DMD: variants seen among roughly 807,000 people sequenced by gnomAD.
The protein encoded by DMD is mutant dystrophin.
Under a neutral mutation model 330.1 loss-of-function variants are expected in DMD, and 63 were observed. The ratio of observed to expected loss-of-function variants is 0.19; its 90% CI spans 0.16 to 0.24. The LOEUF is 0.24. DMD is among the 10% of genes least tolerant of loss of function. The probability of loss-of-function intolerance (pLI) is 1.00; values close to 1 mark genes in which losing one functional copy is unlikely to be tolerated. For missense variants in DMD, 3,344 were observed against 2,684.1 expected (o/e 1.25, Z -5.43); for synonymous variants, 1,223 against 959.8 (o/e 1.27, Z -5.07).
At chrX:32,158,697 A>G (rs2096838806) in intron 44 of DMD, among the ~76,000 whole-genome samples, 1 of 111,789 alleles carries the variant, frequency 8.9e-6, no homozygotes, top group Admixed American at 9.5e-5. Flanking sequence ...CAGGACATAG[A>G]TATTTTAAAG....
intron 55 of DMD, among the ~76,000 whole-genome samples, chrX:31,528,984 T>C (rs894186050): frequency 9.0e-6 from 1 of 110,653 alleles, no homozygotes; most frequent in Non-Finnish European, 1.9e-5. Context: ...GTTTTAAAAA[T>C]TAAAAATAAA....
chrX:33,144,987 G>A (rs966699989), intron 1 of DMD, among the ~76,000 whole-genome samples: 2 of 111,557 alleles, frequency 1.8e-5, no homozygotes, highest in Non-Finnish European at 3.8e-5. Context: ...GTTGAAATAC[G>A]TTCACTAAGG....
intron 16 of DMD, among the ~76,000 whole-genome samples, chrX:32,550,192 A>AT (rs1295456262): frequency 8.9e-6 from 1 of 111,961 alleles, no homozygotes; most frequent in East Asian, 2.8e-4. Context: ...GTATCCAAAC[A>AT]TATCGAAAGG....
chrX:31,725,723 C>A (rs1247664251), intron 52 of DMD, among the ~76,000 whole-genome samples: 1 of 111,724 alleles, frequency 9.0e-6, no homozygotes, highest in African/African-American at 3.2e-5. Context: ...TGCTGTATAG[C>A]CCCGAAATGG....
intron 44 of DMD, among the ~76,000 whole-genome samples, chrX:32,038,809 T>C (rs1837205985): frequency 9.0e-6 from 1 of 111,637 alleles, no homozygotes; most frequent in South Asian, 3.7e-4. Context: ...AGTCATTGCA[T>C]ATAAACAGGT....
At chrX:32,012,323 T>C (rs2095716091) in intron 44 of DMD, among the ~76,000 whole-genome samples, 1 of 112,197 alleles carries the variant, frequency 8.9e-6, no homozygotes, top group East Asian at 2.8e-4. Flanking sequence ...TGACAAAGAA[T>C]GAACATATAG....
intron 21 of DMD, among the ~76,000 whole-genome samples, chrX:32,481,548 T>G (rs759284225): frequency 3.6e-5 from 4 of 111,761 alleles, no homozygotes; most frequent in African/African-American, 9.7e-5. Context: ...TTTCATTGAT[T>G]TGTTACATTC....
intron 55 of DMD, among the ~76,000 whole-genome samples, chrX:31,521,375 C>T (rs1232071850): frequency 9.0e-6 from 1 of 111,015 alleles, no homozygotes; most frequent in Non-Finnish European, 1.9e-5. Context: ...GTTGGCCAGG[C>T]TGGTGTCGAA....
In DMD at chrX:31,206,670, A is replaced by G. The variant is rs1556257538; in HGVS notation, c.9564-3T>C. The stretch of plus-strand genomic sequence containing the variant: ...CACGGATCCTCCCTGTTCGTCCCCT[A>G]TTATGAAGAATCAAAGCAGAAAACA... On this transcript the variant is annotated splice_region_variant and splice_polypyrimidine_tract_variant and intron_variant, in intron 65 of 78. Transcript: ENST00000357033. The G allele has an allele frequency of 1.7e-6, 2 of 1,198,716 alleles. No homozygotes were observed. Among genetic ancestry groups the G allele is most frequent in the South Asian group, 1.8e-5 (1 of 56,020 alleles).
At chrX:32,427,311 T>C (rs2098217141) in intron 29 of DMD, among the ~76,000 whole-genome samples, 1 of 111,273 alleles carries the variant, frequency 9.0e-6, no homozygotes, top group Non-Finnish European at 1.9e-5. Flanking sequence ...GAGTAGCCTA[T>C]GAGATATCCA....
rs145915335 is a variant in DMD at position 32,450,487 on chromosome X, A to C, written c.3604-1849T>G. ...ATTGCATTTTGACTTTAGTAATTAT[A>C]GTATAATCAACAAGTTTGATTACCA... On this transcript the variant is annotated intron_variant, in intron 26 of 78. Transcript: ENST00000357033. Among the ~76,000 whole-genome samples, 574 of 111,083 alleles carry C rather than the reference A, an allele frequency of 5.2e-3. 6 individuals are homozygous for C. The highest frequency in any genetic ancestry group is 0.018 in the African/African-American group (542 of 30,738).
At chrX:33,051,671 G>A (rs1355205416) in intron 1 of DMD, among the ~76,000 whole-genome samples, 5 of 72,205 alleles carry the variant, frequency 6.9e-5, no homozygotes, top group Non-Finnish European at 9.5e-5. Flanking sequence ...TTTTTGAGAC[G>A]GAGACCGGCT....
intron 7 of DMD, among the ~76,000 whole-genome samples, chrX:32,769,826 A>G (rs1291099915): frequency 1.8e-4 from 20 of 111,445 alleles, no homozygotes; most frequent in African/African-American, 6.2e-4. Context: ...AGAAAAAAAA[A>G]AAAACAGGAG....
In DMD at chrX:32,196,025, C is replaced by A. The variant is rs1309966044; in HGVS notation, c.6438+20891G>T. ...CTGGCCTGTGGTTAGGGGGTTTATT[C>A]TGAGTATTTCCCTGTGTCTTTAAAA... On this transcript the variant is annotated intron_variant, in intron 44 of 78. Coordinates refer to ENST00000357033, the MANE Select transcript of DMD (RefSeq NM_004006.3). 3.6e-5 allele frequency among the ~76,000 whole-genome samples: 4 copies of A among 112,080 alleles called. No individual in the cohort carries two copies. The East Asian group carries it at 1.1e-3, about 31-fold the overall frequency.
At chrX:33,331,375 C>G (rs182857513) in intron 1 of DMD, among the ~76,000 whole-genome samples, 1 of 111,934 alleles carries the variant, frequency 8.9e-6, no homozygotes, top group East Asian at 2.8e-4. Flanking sequence ...TTCAGGTTAG[C>G]ATTAGTGTCA....
intron 44 of DMD, among the ~76,000 whole-genome samples, chrX:32,204,192 T>TA (rs765016339): frequency 4.5e-4 from 50 of 111,305 alleles, no homozygotes; most frequent in Middle Eastern, 4.8e-3. Flanking sequence ...TGATGAACAG[T>TA]AAAAAAAATA....
chrX:32,823,742 A>G (rs1264519325), intron 4 of DMD, among the ~76,000 whole-genome samples: 1 of 111,681 alleles, frequency 9.0e-6, no homozygotes, highest in East Asian at 2.8e-4. Context: ...ACCTAGCTCC[A>G]AGGAGTGCCA....
At chrX:32,269,955 T>C (rs1317762620) in intron 43 of DMD, among the ~76,000 whole-genome samples, 1 of 112,393 alleles carries the variant, frequency 8.9e-6, no homozygotes, top group Admixed American at 9.5e-5. Context: ...TGCTTTATTA[T>C]GAGTATTGCA....
intron 53 of DMD, among the ~76,000 whole-genome samples, chrX:31,663,836 C>T (rs180735885): frequency 9.0e-6 from 1 of 111,624 alleles, no homozygotes; most frequent in South Asian, 3.8e-4. Flanking sequence ...CACAGTCACA[C>T]TCTTTAGAAG....
Sources: allele counts gnomAD v4.1 joint callset (sites outside exome capture counted in the v4.1 genomes callset), GRCh38; gene constraint gnomAD v4.1.1; transcripts MANE v1.5; gene names NCBI Gene and HGNC (gene_info 2026-07-23, HGNC 2026-07-21).